Variants in AK6 observed in about 807,000 individuals in gnomAD.
AK6 encodes adenylate kinase 6.
A neutral mutation model predicts 23.7 loss-of-function variants in AK6; 24 were observed. The observed-to-expected ratio is 1.01, with a 90% confidence interval of 0.73 to 1.43. AK6 has a LOEUF of 1.43. Ranked by LOEUF, AK6 falls within the 40% of genes most tolerant of loss-of-function variation. AK6 has a pLI of 0.00. For missense variants in AK6, 191 were observed against 199.1 expected, an observed-to-expected ratio of 0.96 and a Z score of 0.24; for synonymous variants, 73 against 69.8, an observed-to-expected ratio of 1.05 and a Z score of -0.23.
intron 2 of AK6, among the ~76,000 whole-genome samples, chr5:69,360,672 G>A (rs1372184377): frequency 3.9e-5 from 6 of 152,204 alleles, no homozygotes; most frequent in Non-Finnish European, 8.8e-5. Context: ...TAGGGAGAGA[G>A]CAGTGTCAGA....
chr5:69,358,009 A>C (rs1248252649), intron 2 of AK6, among the ~76,000 whole-genome samples: 1 of 152,204 alleles, frequency 6.6e-6, no homozygotes, highest in African/African-American at 2.4e-5. Context: ...TACAAGTGTA[A>C]AACACAAAAA....
chr5:69,366,443 C>G, intron 2 of AK6, 60 bp downstream of exon 2: 1 of 1,354,064 alleles, frequency 7.4e-7, no homozygotes. Flanking sequence ...AGCACTAACA[C>G]TCCACTTACC....
intron 2 of AK6, among the ~76,000 whole-genome samples, chr5:69,357,358 T>C (rs1330018945): frequency 1.3e-5 from 2 of 152,200 alleles, no homozygotes; most frequent in Non-Finnish European, 2.9e-5. Flanking sequence ...AGAAAACTGG[T>C]TAACAATTTA....
At chr5:69,360,487 T>C (rs1762201413) in intron 2 of AK6, among the ~76,000 whole-genome samples, 2 of 152,190 alleles carry the variant, frequency 1.3e-5, no homozygotes, top group South Asian at 4.1e-4. Context: ...ATCCAGATGG[T>C]TGTCTAATAG....
chr5:69,360,791 G>A (rs746498640), intron 2 of AK6, among the ~76,000 whole-genome samples: 1 of 152,102 alleles, frequency 6.6e-6, no homozygotes. Context: ...TTTTCTTTCT[G>A]TAAAGGGCCA....
intron 2 of AK6, among the ~76,000 whole-genome samples, chr5:69,363,470 C>T (rs1301312008): frequency 6.6e-6 from 1 of 152,158 alleles, no homozygotes; most frequent in Non-Finnish European, 1.5e-5. Context: ...GGAACAAAAC[C>T]ACATTTCATA....
intron 2 of AK6, among the ~76,000 whole-genome samples, chr5:69,359,688 T>C (rs935549334): frequency 1.7e-4 from 26 of 152,338 alleles, no homozygotes; most frequent in Non-Finnish European, 3.7e-4. Flanking sequence ...TTTAATCATA[T>C]TGGGATGCTG....
At chr5:69,358,517 CAAAAA>C (rs5868577) in intron 2 of AK6, among the ~76,000 whole-genome samples, 1 of 54,168 alleles carries the variant, frequency 1.8e-5, no homozygotes, top group East Asian at 5.7e-4. Context: ...GACTCTGTCT[CAAAAA>C]AAAAAAAAAA....
At chr5:69,365,036 T>C (rs549714068) in intron 2 of AK6, 1 of 1,614,184 alleles carries the variant, frequency 6.2e-7, no homozygotes, top group South Asian at 1.1e-5. Context: ...TGGCAGTATT[T>C]TGTGATGACA....
chr5:69,369,438 G>C (rs1169320718), intron 1 of AK6, 25 bp downstream of exon 1: 1 of 1,608,814 alleles, frequency 6.2e-7, no homozygotes, highest in African/African-American at 1.3e-5. Context: ...CCCCAGCCCA[G>C]TCCCTCCCGG....
At chr5:69,364,980 T>C in intron 2 of AK6, 23 of 1,613,432 alleles carry the variant, frequency 1.4e-5, no homozygotes, top group Non-Finnish European at 1.9e-5. Context: ...ATCATCGTCA[T>C]CATCATCATC....
At chr5:69,367,070 A>G (rs1762462120) in intron 1 of AK6, among the ~76,000 whole-genome samples, 1 of 152,156 alleles carries the variant, frequency 6.6e-6, no homozygotes, top group East Asian at 1.9e-4. Context: ...TATGTAAATT[A>G]GCATGTACTA....
chr5:69,355,973 G>T lies in AK6; in HGVS notation c.122-20C>A. The T allele has an allele frequency of 1.9e-6, 3 of 1,576,786 alleles. No homozygotes were observed. Among genetic ancestry groups the T allele is most frequent in the Non-Finnish European group, 2.6e-6 (3 of 1,165,730 alleles). Reference sequence around the variant, plus strand: ...ATTGCTCTAAAAGAGATTTAGAATTGCTTGTTGAAATATTTTCTAAGTAAC... The same window carrying T: ...ATTGCTCTAAAAGAGATTTAGAATTTCTTGTTGAAATATTTTCTAAGTAAC... On this transcript the variant is annotated intron_variant, in intron 2 of 4. Transcript: ENST00000380822.
chr5:69,362,746 C>G (rs1257673262), intron 2 of AK6, among the ~76,000 whole-genome samples: 3 of 151,904 alleles, frequency 2.0e-5, no homozygotes, highest in Non-Finnish European at 4.4e-5. Context: ...GACCCTGTCT[C>G]AAACAAACAA....
chr5:69,365,161 T>C (rs201594691), intron 2 of AK6: 34 of 1,614,092 alleles, frequency 2.1e-5, no homozygotes, highest in African/African-American at 9.3e-5. Context: ...GACTGAGAAG[T>C]AGGCATCTGT....
rs112797204 is a variant in AK6, at chr5:69,361,969, CTTTTTTTT to C, written c.121+4526_121+4533del. 2.9e-3 allele frequency among the ~76,000 whole-genome samples: 305 copies of C among 104,838 alleles called. 2 individuals carry two copies. Among genetic ancestry groups the C allele is most frequent in the Non-Finnish European group, 4.3e-3 (224 of 51,616 alleles). 68.8% of individuals were successfully genotyped at this position (104,838 alleles called of 152,430 possible). A position where few individuals can be genotyped will look rare whatever the true frequency, so the allele number is the denominator to read the frequency against. On this transcript the variant is annotated intron_variant, in intron 2 of 4. Transcript: ENST00000380822. ...GGCCAGTTTTCTTAAACTTGATTCC[CTTTTTTTT>C]TTTTTTTTTTTTTGCCTTGGTTTTG...
rs200123392 is a variant in AK6, at chr5:69,369,226, A to ACCCCC, written c.28+232_28+236dup. On this transcript the variant is annotated intron_variant, in intron 1 of 4. Transcript: ENST00000380822. ...GAGCTGGATCTGCCGACCTCTCTCC[A>ACCCCC]CCCCCCCCCGCCCCCCCCCGGAGCC... The ACCCCC allele has an allele frequency of 1.2e-3, 147 of 124,536 alleles. 10 individuals are homozygous for ACCCCC. Among genetic ancestry groups the ACCCCC allele is most frequent in the South Asian group, 2.6e-3 (16 of 6,238 alleles). The allele number at this position is 124,536 out of a possible 1,614,324, so 7.7% of individuals were successfully genotyped here. A position where few individuals can be genotyped will look rare whatever the true frequency, so the allele number is the denominator to read the frequency against.
intron 1 of AK6, chr5:69,369,217 C>A: frequency 2.5e-6 from 1 of 407,918 alleles, no homozygotes. Context: ...GATCTGCCGA[C>A]CTCTCTCCAC....
At position 69,355,918 on chromosome 5, in the gene AK6, A is replaced by G. The variant is rs1212608141; in HGVS notation, c.157T>C (p.Cys53Arg). ...LYDGYDEEYD[C>R]PILDEDRVVD... ...ACTCTGTCTTCATCTAAAATGGGAC[A>G]GTCATACTCTTCATCATAGCCATCA... Residue 53 changes from cysteine to arginine, a missense_variant, in exon 3 of 5, where the codon TGT becomes CGT. Cys to Arg is a radical substitution (Grantham distance 180). Coordinates refer to ENST00000380822, the MANE Select transcript of AK6 (RefSeq NM_016283.5). The G allele has an allele frequency of 3.7e-5, 60 of 1,609,800 alleles. No individual in the cohort carries two copies. Among genetic ancestry groups the G allele is most frequent in the Non-Finnish European group, 4.8e-5 (57 of 1,178,830 alleles).
Sources: allele counts gnomAD v4.1 joint callset (sites outside exome capture counted in the v4.1 genomes callset), GRCh38; gene constraint gnomAD v4.1.1; transcripts MANE v1.5; gene names NCBI Gene and HGNC (gene_info 2026-07-23, HGNC 2026-07-21).